Variants in ATP10A observed in about 807,000 individuals in gnomAD.
The protein encoded by ATP10A is phospholipid-transporting ATPase VA.
Under a neutral mutation model 147.8 loss-of-function variants are expected in ATP10A, and 111 were observed. The observed-to-expected ratio is 0.75, with a 90% CI of 0.64 to 0.88. ATP10A has a LOEUF of 0.88. Among genes scored for constraint, ATP10A ranks in the 40% least tolerant of loss-of-function variants. The pLI is 0.00. For missense variants in ATP10A, 1,927 were observed against 1,959.0 expected (o/e 0.98, Z 0.31); for synonymous variants, 875 against 841.6 (o/e 1.04, Z -0.69).
Position 25,716,874 on chromosome 15 carries a change from ACACT to A in ATP10A, c.1628_1631del (p.Glu543ValfsTer5). The A allele has an allele frequency of 6.2e-7, 1 of 1,604,954 alleles. No homozygotes were observed. Among genetic ancestry groups the A allele is most frequent in the Non-Finnish European group, 8.5e-7 (1 of 1,175,644 alleles). ...GCCTCGCCACGGCTAGGCTCTTGTC[ACACT>A]CACTCACCTTCTCCAGCAGCTTTGG... On this transcript the variant is annotated frameshift_variant, in exon 9 of 21. Coordinates refer to ENST00000555815, the MANE Select transcript of ATP10A (RefSeq NM_024490.4). LOFTEE classifies it high-confidence loss of function.
At chr15:25,820,193 A>G (rs1891822758) in intron 1 of ATP10A, among the ~76,000 whole-genome samples, 1 of 152,234 alleles carries the variant, frequency 6.6e-6, no homozygotes, top group Admixed American at 6.5e-5. Context: ...TAAATAAGCC[A>G]GCTTCACATG....
chr15:25,817,742 T>C (rs1045870868), intron 1 of ATP10A, among the ~76,000 whole-genome samples: 2 of 152,212 alleles, frequency 1.3e-5, no homozygotes, highest in Non-Finnish European at 2.9e-5. Context: ...TACATGGATA[T>C]CCACCTCTAC....
At chr15:25,674,738 C>G (rs1295377136), downstream of ATP10A, among the ~76,000 whole-genome samples, 1 of 152,180 alleles carries the variant, frequency 6.6e-6, no homozygotes, top group Non-Finnish European at 1.5e-5. Context: ...ATAGCCTTTT[C>G]TAAAATAATT....
Position 25,702,079 on chromosome 15 carries a change from C to G in ATP10A, c.2597G>C (p.Arg866Pro). The part of the protein sequence containing the change: ...HLLGATGIED[R>P]LQDGVPETIS... ...AGTTTCAGGGACTCCGTCCTGCAGG[C>G]GGTCTTCAATCCCAGTGGCACCTGG... The change falls in exon 13 of 21, where the codon CGC becomes CCC. Residue 866 changes from arginine (R) to proline (P), a missense_variant. Arg to Pro is a moderately radical substitution (Grantham distance 103). Coordinates refer to ENST00000555815, the MANE Select transcript of ATP10A (RefSeq NM_024490.4). 1 of 1,612,520 alleles carries G rather than the reference C, an allele frequency of 6.2e-7. No individual in the cohort carries two copies. The highest frequency in any genetic ancestry group is 8.5e-7 in the Non-Finnish European group (1 of 1,179,224).
chr15:25,833,598 C>T (rs971360776), intron 1 of ATP10A, among the ~76,000 whole-genome samples: 5 of 152,278 alleles, frequency 3.3e-5, no homozygotes, highest in Non-Finnish European at 7.3e-5. Flanking sequence ...TAACATGCGC[C>T]GGGCAGTATT....
chr15:25,702,193 G>T, intron 12 of ATP10A, 93 bp from the exon 13 acceptor site: 1 of 1,298,406 alleles, frequency 7.7e-7, no homozygotes, highest in Non-Finnish European at 1.1e-6. Context: ...ATACACCGAA[G>T]GCAGGCACTG....
At chr15:25,681,905 T>C (rs1899431152) in intron 17 of ATP10A, among the ~76,000 whole-genome samples, 1 of 151,780 alleles carries the variant, frequency 6.6e-6, no homozygotes, top group African/African-American at 2.4e-5. Context: ...TATAGAAAAA[T>C]TAGCCAGGCA....
chr15:25,764,128 G>C (rs1888901411), intron 2 of ATP10A, among the ~76,000 whole-genome samples: 1 of 152,126 alleles, frequency 6.6e-6, no homozygotes, highest in Admixed American at 6.6e-5. Flanking sequence ...TTGCCTCAGT[G>C]GATCTGGGCA....
chr15:25,689,140 G>T (rs962372892), intron 15 of ATP10A, among the ~76,000 whole-genome samples: 12 of 152,210 alleles, frequency 7.9e-5, no homozygotes, highest in Non-Finnish European at 1.6e-4. Context: ...AGGACGCCTG[G>T]CTTGCCAGCC....
rs752123629 is a variant in ATP10A at position 25,713,850 on chromosome 15, GAC to G, written c.2166_2167del (p.Val724GlyfsTer36). 3 of 1,613,944 alleles carry G rather than the reference GAC, an allele frequency of 1.9e-6. No homozygotes were observed. The South Asian group carries it at 3.3e-5, about 18-fold the overall frequency. Reference sequence around the variant, plus strand: ...CCTGCCCAGGTGGGGCAGCTCCACTGACACTTGGTCGTGCAGCCGCTCCACAA... The same window carrying G: ...CCTGCCCAGGTGGGGCAGCTCCACTGACTTGGTCGTGCAGCCGCTCCACAA... On this transcript the variant is annotated frameshift_variant, in exon 10 of 21. Transcript: ENST00000555815. LOFTEE classifies it high-confidence loss of function.
At chr15:25,859,831 A>G (rs1893677053) in intron 1 of ATP10A, among the ~76,000 whole-genome samples, 1 of 152,280 alleles carries the variant, frequency 6.6e-6, no homozygotes, top group Admixed American at 6.5e-5. Flanking sequence ...TACAGGCTGC[A>G]CATCCACATA....
intron 1 of ATP10A, among the ~76,000 whole-genome samples, chr15:25,861,144 C>T (rs981503807): frequency 8.0e-6 from 1 of 124,996 alleles, no homozygotes; most frequent in African/African-American, 2.5e-5. Flanking sequence ...GGCTTGGGAG[C>T]AGGCAGAGTG....
chr15:25,777,913 C>T (rs1183237726), intron 2 of ATP10A, among the ~76,000 whole-genome samples: 2 of 151,536 alleles, frequency 1.3e-5, no homozygotes, highest in Non-Finnish European at 1.5e-5. Context: ...TTCCTGGCTC[C>T]TATATTCTTC....
intron 1 of ATP10A, among the ~76,000 whole-genome samples, chr15:25,809,664 G>A (rs933170742): frequency 6.6e-6 from 1 of 151,914 alleles, no homozygotes; most frequent in African/African-American, 2.4e-5. Flanking sequence ...TTCCATATAT[G>A]TACTACGTGC....
chr15:25,770,715 C>T (rs761190312), intron 2 of ATP10A, among the ~76,000 whole-genome samples: 5 of 152,286 alleles, frequency 3.3e-5, no homozygotes, highest in South Asian at 2.1e-4. Context: ...CATCATCCAA[C>T]GCCCCAGGGA....
At chr15:25,727,905 G>A (rs1323378025) in intron 3 of ATP10A, among the ~76,000 whole-genome samples, 1 of 152,198 alleles carries the variant, frequency 6.6e-6, no homozygotes, top group African/African-American at 2.4e-5. Flanking sequence ...GATGACCCAG[G>A]CTGGCTGGGC....
chr15:25,780,403 C>G (rs940760442), intron 2 of ATP10A, among the ~76,000 whole-genome samples: 1 of 152,248 alleles, frequency 6.6e-6, no homozygotes, highest in Admixed American at 6.5e-5. Context: ...TGTCAGTTCA[C>G]CTGGCATTAG....
chr15:25,732,359 C>T (rs1056095844), intron 3 of ATP10A, among the ~76,000 whole-genome samples: 8 of 152,052 alleles, frequency 5.3e-5, no homozygotes, highest in Middle Eastern at 6.8e-3. Context: ...CATCAGCCTC[C>T]CAGGTAGCTG....
At chr15:25,831,711 A>C (rs1264780579) in intron 1 of ATP10A, among the ~76,000 whole-genome samples, 1 of 152,206 alleles carries the variant, frequency 6.6e-6, no homozygotes, top group African/African-American at 2.4e-5. Context: ...TGCCTGACCC[A>C]GGTGAGGGGA....
Sources: gnomAD v4.1 joint callset for allele counts (sites outside exome capture counted in the v4.1 genomes callset) on GRCh38, gnomAD v4.1.1 for gene constraint, MANE v1.5 for transcripts, NCBI Gene and HGNC (gene_info 2026-07-23, HGNC 2026-07-21) for gene names.